LPGAT1: variants seen among roughly 807,000 people sequenced by gnomAD.
LPGAT1 encodes lysophosphatidylglycerol acyltransferase 1.
Under a neutral mutation model 47.5 loss-of-function variants are expected in LPGAT1, and 11 were observed. The observed-to-expected ratio is 0.23, with a 90% confidence interval of 0.15 to 0.38. LPGAT1 has a LOEUF of 0.38. Ranked by LOEUF, LPGAT1 falls within the 10% of genes least tolerant of loss-of-function variation. The pLI, the probability that LPGAT1 is intolerant of heterozygous loss-of-function variation, is 1.00. For synonymous variants in LPGAT1, 138 were observed against 144.2 expected, an observed-to-expected ratio of 0.96 and a Z score of 0.31; for missense variants, 293 against 439.0, an observed-to-expected ratio of 0.67 and a Z score of 2.97.
chr1:211,784,734 T>C lies in LPGAT1; in HGVS notation c.454-1232A>G, dbSNP rs144289844. Reference sequence around the variant, plus strand: ...AGAGAAAAGAAGATGACCTGAAGTCTAAAAAGAAGAATCCAGAAAAATTTG... The same window carrying C: ...AGAGAAAAGAAGATGACCTGAAGTCCAAAAAGAAGAATCCAGAAAAATTTG... On this transcript the variant is annotated intron_variant, in intron 4 of 7. Coordinates refer to ENST00000366997, the MANE Select transcript of LPGAT1 (RefSeq NM_014873.3). Among the ~76,000 whole-genome samples the C allele has an allele frequency of 1.4e-4, 21 of 150,284 alleles. No individual in the cohort carries two copies. In the East Asian group the frequency reaches 4.1e-3, roughly 29 times the overall value.
At chr1:211,769,377 T>C (rs1658068169) in intron 6 of LPGAT1, among the ~76,000 whole-genome samples, 1 of 152,138 alleles carries the variant, frequency 6.6e-6, no homozygotes, top group African/African-American at 2.4e-5. Flanking sequence ...CTGCTATCAA[T>C]AATGAGATGG....
intron 3 of LPGAT1, chr1:211,792,466 C>T (rs192971916): frequency 4.9e-5 from 7 of 143,996 alleles, no homozygotes; most frequent in African/African-American, 1.7e-4. Context: ...CACCTCCAGA[C>T]AGCCCTCAAT....
intron 2 of LPGAT1, among the ~76,000 whole-genome samples, chr1:211,798,032 T>C (rs908032505): frequency 6.6e-6 from 1 of 152,200 alleles, no homozygotes; most frequent in African/African-American, 2.4e-5. Context: ...TTAGAATTAA[T>C]CTGGACAGTT....
intron 2 of LPGAT1, among the ~76,000 whole-genome samples, chr1:211,821,100 A>G (rs1362272195): frequency 2.0e-5 from 3 of 152,238 alleles, no homozygotes; most frequent in South Asian, 2.1e-4. Context: ...TACTAAAAAT[A>G]CAAAAATTAG....
chr1:211,762,515 T>A (rs185824402), intron 6 of LPGAT1, among the ~76,000 whole-genome samples: 1 of 152,308 alleles, frequency 6.6e-6, no homozygotes, highest in African/African-American at 2.4e-5. Context: ...TTAAAATGAC[T>A]AATCCCCTAA....
chr1:211,795,580 T>A (rs932240527), intron 2 of LPGAT1, among the ~76,000 whole-genome samples: 1 of 152,202 alleles, frequency 6.6e-6, no homozygotes, highest in South Asian at 2.1e-4. Flanking sequence ...TTGGTCAGGC[T>A]GGTCTTCAAC....
At chr1:211,763,892 C>T (rs942093825) in intron 6 of LPGAT1, among the ~76,000 whole-genome samples, 3 of 152,212 alleles carry the variant, frequency 2.0e-5, no homozygotes, top group Admixed American at 2.0e-4. Context: ...CCTTCTTGGG[C>T]TGGGTGCCAT....
At chr1:211,762,296 C>A (rs1468717300) in intron 6 of LPGAT1, among the ~76,000 whole-genome samples, 1 of 152,140 alleles carries the variant, frequency 6.6e-6, no homozygotes, top group Non-Finnish European at 1.5e-5. Flanking sequence ...CAGTTGAATT[C>A]ACAAAAGAAT....
At chr1:211,785,051 C>CG (rs1658820150) in intron 4 of LPGAT1, among the ~76,000 whole-genome samples, 1 of 152,130 alleles carries the variant, frequency 6.6e-6, no homozygotes, top group African/African-American at 2.4e-5. Flanking sequence ...GATCTGCCCC[C>CG]CTTGGCCTCC....
intron 2 of LPGAT1, among the ~76,000 whole-genome samples, chr1:211,814,118 C>A (rs894404184): frequency 6.6e-5 from 10 of 152,118 alleles, no homozygotes; most frequent in Non-Finnish European, 5.9e-5. Flanking sequence ...AAAACAGCAG[C>A]CACATATATT....
intron 6 of LPGAT1, among the ~76,000 whole-genome samples, chr1:211,757,579 CT>C (rs1657516596): frequency 6.6e-6 from 1 of 152,160 alleles, no homozygotes; most frequent in Non-Finnish European, 1.5e-5. Flanking sequence ...TGCACTGGAT[CT>C]GCAGGTGTCA....
At chr1:211,807,157 A>C (rs1659790456) in intron 2 of LPGAT1, among the ~76,000 whole-genome samples, 1 of 152,194 alleles carries the variant, frequency 6.6e-6, no homozygotes, top group African/African-American at 2.4e-5. Flanking sequence ...TTTTTTAAAA[A>C]TACTATTTAC....
intron 6 of LPGAT1, among the ~76,000 whole-genome samples, chr1:211,761,042 A>C (rs1010023467): frequency 8.5e-5 from 13 of 152,140 alleles, no homozygotes; most frequent in African/African-American, 3.1e-4. Flanking sequence ...CGCTTTTTTA[A>C]CTATTCACCT....
At chr1:211,784,353 G>A (rs1443138969) in intron 4 of LPGAT1, among the ~76,000 whole-genome samples, 2 of 151,992 alleles carry the variant, frequency 1.3e-5, no homozygotes, top group African/African-American at 4.8e-5. Context: ...TTAGCTGGGT[G>A]CGATGGCACA....
At chr1:211,809,911 G>T (rs374054084) in intron 2 of LPGAT1, among the ~76,000 whole-genome samples, 126 of 152,098 alleles carry the variant, frequency 8.3e-4, no homozygotes, top group African/African-American at 2.9e-3. Flanking sequence ...ATCTCCTAAA[G>T]GTAAAGGATT....
intron 6 of LPGAT1, among the ~76,000 whole-genome samples, chr1:211,751,670 A>T (rs1220608532): frequency 6.6e-6 from 1 of 152,184 alleles, no homozygotes; most frequent in East Asian, 1.9e-4. Context: ...ATACCCATGG[A>T]CTGAGAGGGG....
intron 5 of LPGAT1, among the ~76,000 whole-genome samples, chr1:211,780,107 G>A (rs928978789): frequency 7.9e-5 from 12 of 151,964 alleles, no homozygotes; most frequent in African/African-American, 2.9e-4. Flanking sequence ...AACCCAGGAG[G>A]TGGAGGTTGT....
chr1:211,795,940 T>C (rs1015175079), intron 2 of LPGAT1, among the ~76,000 whole-genome samples: 1 of 152,152 alleles, frequency 6.6e-6, no homozygotes, highest in Non-Finnish European at 1.5e-5. Flanking sequence ...CTTGGTTCTA[T>C]AAATAGTGGG....
rs933920173 is a variant in LPGAT1 at position 211,748,347 on chromosome 1, A to T, written c.*1552T>A. ...TGTACAAACATCGCAACAAATTTCTAAAAAATGTTTTCTAGAAATAGAAAC... is the reference window on the plus strand; with the variant it reads ...TGTACAAACATCGCAACAAATTTCTTAAAAATGTTTTCTAGAAATAGAAAC... On this transcript the variant is annotated 3_prime_UTR_variant, in exon 8 of 8. Coordinates refer to ENST00000366997, the MANE Select transcript of LPGAT1 (RefSeq NM_014873.3). The T allele has an allele frequency of 6.6e-5, 10 of 152,276 alleles. No individual in the cohort carries two copies. The highest frequency in any genetic ancestry group is 8.8e-5 in the Non-Finnish European group (6 of 68,030). The allele number at this position is 152,276 out of a possible 1,614,324, so 9.4% of individuals were successfully genotyped here. A position where few individuals can be genotyped will look rare whatever the true frequency, so the allele number is the denominator to read the frequency against.
Sources: gnomAD v4.1 joint callset for allele counts (sites outside exome capture counted in the v4.1 genomes callset) on GRCh38, gnomAD v4.1.1 for gene constraint, MANE v1.5 for transcripts, NCBI Gene and HGNC (gene_info 2026-07-23, HGNC 2026-07-21) for gene names.